P2RX6: variants seen among roughly 807,000 people sequenced by gnomAD.
The protein encoded by P2RX6 is purinergic receptor P2X 6.
A neutral mutation model predicts 54.2 loss-of-function variants in P2RX6; 62 were observed. That is an observed-to-expected ratio of 1.14 (90% confidence interval 0.93 to 1.41). The LOEUF (loss-of-function observed/expected upper bound fraction) is 1.41, where lower values mean the gene tolerates loss of function less well. P2RX6 is among the 40% of genes most tolerant of loss of function. The pLI is 0.00. For missense variants in P2RX6, 541 were observed against 566.3 expected, an observed-to-expected ratio of 0.96 and a Z score of 0.45; for synonymous variants, 211 against 231.9, an observed-to-expected ratio of 0.91 and a Z score of 0.82.
rs754670946 is a variant in P2RX6 at position 21,015,931 on chromosome 22, C to T, written c.165-11C>T. ...GGGGACACACCACACTGCCCGACTT[C>T]TCCTCCCCAGGTGGGCTCTCCTCGC... On this transcript the variant is annotated splice_polypyrimidine_tract_variant and intron_variant, in intron 1 of 11. Coordinates refer to ENST00000413302, the MANE Select transcript of P2RX6 (RefSeq NM_005446.5). 16 of 1,549,132 alleles carry T rather than the reference C, an allele frequency of 1.0e-5. 1 individual carries two copies. In the South Asian group the frequency reaches 1.8e-4, roughly 17 times the overall value.
chr22:21,018,125 G>A, intron 3 of P2RX6, 65 bp downstream of exon 3: 9 of 1,036,314 alleles, frequency 8.7e-6, no homozygotes, highest in South Asian at 1.3e-5. Flanking sequence ...GGGGCCACCC[G>A]TGTTTCCCTT....
In P2RX6 at chr22:21,022,762, G is replaced by C. The variant is rs200996905; in HGVS notation, c.463+11G>C. ...GCACACACAGCCACGGTAACTGTGG[G>C]CTCTGTCTTCCAGTGCCCCCAGCAG... On this transcript the variant is annotated intron_variant, in intron 4 of 11. Coordinates refer to ENST00000413302, the MANE Select transcript of P2RX6 (RefSeq NM_005446.5). 1.9e-6 allele frequency: 3 copies of C among 1,556,088 alleles called. No individual in the cohort carries two copies. Among genetic ancestry groups the C allele is most frequent in the Admixed American group, 3.9e-5 (2 of 51,266 alleles).
intron 1 of P2RX6, 50 bp from the exon 2 acceptor site, chr22:21,015,892 T>C (rs1298138076): frequency 2.6e-6 from 4 of 1,534,646 alleles, no homozygotes; most frequent in South Asian, 2.4e-5. Flanking sequence ...GCTCCGCCCC[T>C]GTCACTACAC....
chr22:21,021,146 C>CT (rs901895511), intron 3 of P2RX6, among the ~76,000 whole-genome samples: 2 of 151,486 alleles, frequency 1.3e-5, no homozygotes, highest in Non-Finnish European at 2.9e-5. Context: ...TTTCTCTTTT[C>CT]TTTTTTTTCC....
In P2RX6 at chr22:21,026,517, C is replaced by G. The variant is rs372694831; in HGVS notation, c.1226C>G (p.Pro409Arg). ...LAECLRRSSA[P>R]APTATAAGSQ... ...GAGTGCCTCAGACGGAGCTCAGCAC[C>G]TGCACCCACGGCCACTGCTGCTGGG... Residue 409 changes from proline to arginine, a missense_variant, in exon 12 of 12, where the codon CCT (proline) becomes CGT (arginine). Pro to Arg is a moderately radical substitution (Grantham distance 103). Transcript: ENST00000413302. The surrounding 1 kb of genome is among the most constrained non-coding windows in gnomAD (Gnocchi z 4.0). 56 of 1,592,902 alleles carry G rather than the reference C, an allele frequency of 3.5e-5. No individual in the cohort carries two copies. Among genetic ancestry groups the G allele is most frequent in the Non-Finnish European group, 4.4e-5 (52 of 1,170,580 alleles).
rs756355063 is a variant in P2RX6 at position 21,026,414 on chromosome 22, C to T, written c.1129-6C>T. On this transcript the variant is annotated splice_region_variant and splice_polypyrimidine_tract_variant and intron_variant, in intron 11 of 11. Coordinates refer to ENST00000413302, the MANE Select transcript of P2RX6 (RefSeq NM_005446.5). The surrounding 1 kb of genome is among the most constrained non-coding windows in gnomAD (Gnocchi z 4.0). ...TGGATCCCTGACCTGCTGTCCTCAT[C>T]TGCAGGCCAAGGCCCCGAAAGCAAC... The T allele has an allele frequency of 6.3e-6, 10 of 1,596,846 alleles. No individual in the cohort carries two copies. The Admixed American group carries it at 1.6e-4, about 25-fold the overall frequency.
Position 21,018,073 on chromosome 22 carries a change from A to C in P2RX6, c.387+13A>C. 1 of 1,594,848 alleles carries C rather than the reference A, an allele frequency of 6.3e-7. No homozygotes were observed. Among genetic ancestry groups the C allele is most frequent in the South Asian group, 1.1e-5 (1 of 90,058 alleles). On this transcript the variant is annotated intron_variant, in intron 3 of 11. Transcript: ENST00000413302. ...CAGATGCCCAGAGGTGAGTTTACCC[A>C]GGATCCTCCCAGCGGGTCCCTTGTT...
Position 21,023,621 on chromosome 22 carries a change from G to A in P2RX6, c.890+3G>A, listed in dbSNP as rs372135540. 5.7e-6 allele frequency: 9 copies of A among 1,588,250 alleles called. No homozygotes were observed. Among genetic ancestry groups the A allele is most frequent in the Non-Finnish European group, 7.7e-6 (9 of 1,164,138 alleles). On this transcript the variant is annotated splice_donor_region_variant and intron_variant, in intron 8 of 11. Transcript: ENST00000413302. ...CAGGAGAAGAGCTACAACTTCAGGT[G>A]AGGCCCCACTGCTCCCAGTGCCCAG...
chr22:21,025,935 G>C, intron 9 of P2RX6, 37 bp downstream of exon 9: 6 of 1,581,176 alleles, frequency 3.8e-6, no homozygotes, highest in Non-Finnish European at 5.2e-6. Context: ...GGATGGGATG[G>C]GGCAGGCAGA....
chr22:21,024,238 C>T (rs1601774875), intron 8 of P2RX6, among the ~76,000 whole-genome samples: 1 of 151,084 alleles, frequency 6.6e-6, no homozygotes, highest in Non-Finnish European at 1.5e-5. Flanking sequence ...GGATTACAGA[C>T]GTAAACCACC....
intron 2 of P2RX6, 72 bp downstream of exon 2, chr22:21,016,164 G>A (rs993593220): frequency 2.1e-6 from 3 of 1,441,272 alleles, no homozygotes; most frequent in Non-Finnish European, 2.8e-6. Context: ...CCGCCATGCA[G>A]CCAGTGTGTG....
At chr22:21,010,773 C>A (rs1053407884), upstream of P2RX6, among the ~76,000 whole-genome samples, 2 of 152,092 alleles carry the variant, frequency 1.3e-5, no homozygotes, top group Admixed American at 1.3e-4. Context: ...AAAATCTATA[C>A]CCTTTTTGCC....
intron 3 of P2RX6, among the ~76,000 whole-genome samples, chr22:21,020,594 CTT>C (rs966307828): frequency 2.7e-5 from 3 of 113,006 alleles, no homozygotes; most frequent in Non-Finnish European, 5.5e-5. Context: ...TTTTTTTTTT[CTT>C]TTTTTTTTTT....
rs144110687 is a variant in P2RX6, at chr22:21,025,856, C to T, written c.942C>T (p.Leu314=). 30 of 1,572,324 alleles carry T rather than the reference C, an allele frequency of 1.9e-5. No homozygotes were observed. Among genetic ancestry groups the T allele is most frequent in the Middle Eastern group, 3.3e-4 (2 of 6,042 alleles). Reference sequence around the variant, plus strand: ...CGGGTGTGGAGGCCCGCACCCTGCTCAAGCTCTATGGAATCCGCTTCGACA... The same window carrying T: ...CGGGTGTGGAGGCCCGCACCCTGCTTAAGCTCTATGGAATCCGCTTCGACA... ...EQPGVEARTL[L]KLYGIRFDIL... The change falls in exon 9 of 12, where the codon CTC becomes CTT. Residue 314 remains leucine (L), a synonymous_variant. Transcript: ENST00000413302.
chr22:21,025,944 G>C (rs1318950064), intron 9 of P2RX6, 46 bp downstream of exon 9: 3 of 1,582,228 alleles, frequency 1.9e-6, no homozygotes, highest in African/African-American at 2.7e-5. Context: ...GGGGCAGGCA[G>C]ACAGGGCTGG....
chr22:21,020,334 G>C (rs957457336), intron 3 of P2RX6, among the ~76,000 whole-genome samples: 1 of 152,168 alleles, frequency 6.6e-6, no homozygotes, highest in East Asian at 1.9e-4. Flanking sequence ...AGTTCTGCCA[G>C]CTCCTCTAGG....
At chr22:21,014,588 CTTGTG>C (rs1371451139), upstream of P2RX6, among the ~76,000 whole-genome samples, 1 of 152,202 alleles carries the variant, frequency 6.6e-6, no homozygotes, top group Non-Finnish European at 1.5e-5. Flanking sequence ...GACTCCAGGA[CTTGTG>C]TTGTCCTCAC....
chr22:21,023,060 C>T, intron 5 of P2RX6, 25 bp downstream of exon 5: 1 of 1,610,388 alleles, frequency 6.2e-7, no homozygotes. Flanking sequence ...AATCCCCTAC[C>T]CCAACTGGCG....
intron 3 of P2RX6, among the ~76,000 whole-genome samples, chr22:21,019,060 C>T (rs1926916937): frequency 6.6e-6 from 1 of 152,174 alleles, no homozygotes; most frequent in African/African-American, 2.4e-5. Context: ...CCCTGGGATC[C>T]TGCATCTGTC....
Sources: allele counts gnomAD v4.1 joint callset (sites outside exome capture counted in the v4.1 genomes callset), GRCh38; gene constraint gnomAD v4.1.1; non-coding constraint Gnocchi (gnomAD v3.1); transcripts MANE v1.5; gene names NCBI Gene and HGNC (gene_info 2026-07-23, HGNC 2026-07-21).